PHACTR2: variants seen among roughly 807,000 people sequenced by gnomAD.
PHACTR2 encodes chromosome 6 open reading frame 56.
Under a neutral mutation model 76.0 loss-of-function variants are expected in PHACTR2, and 30 were observed. That is an observed-to-expected ratio of 0.39 (90% CI 0.30 to 0.54). The LOEUF is 0.54. PHACTR2 is among the 20% of genes least tolerant of loss of function. The probability of loss-of-function intolerance (pLI) is 0.61; values close to 1 mark genes in which losing one functional copy is unlikely to be tolerated. For synonymous variants in PHACTR2, 292 were observed against 292.5 expected (o/e 1.00, Z 0.02); for missense variants, 696 against 781.1 (o/e 0.89, Z 1.30).
In PHACTR2 at chr6:143,784,463, G is replaced by T. The variant is rs1775505385; in HGVS notation, c.1707+1183G>T. Among the ~76,000 whole-genome samples the T allele has an allele frequency of 6.6e-6, 1 of 152,192 alleles. No homozygotes were observed. Among genetic ancestry groups the T allele is most frequent in the African/African-American group, 2.4e-5 (1 of 41,454 alleles). On this transcript the variant is annotated intron_variant, in intron 10 of 12. Transcript: ENST00000440869. The surrounding 1 kb of genome is among the most constrained non-coding windows in gnomAD (Gnocchi z 4.5). ...TAAAAATGGATAAAGTGACTAAAAT[G>T]TGACATCTACATGAAGTGTGACCTG...
At chr6:143,707,212 G>A (rs1171537153) in intron 1 of PHACTR2, among the ~76,000 whole-genome samples, 1 of 152,118 alleles carries the variant, frequency 6.6e-6, no homozygotes, top group Non-Finnish European at 1.5e-5. Flanking sequence ...ATATTTTAAG[G>A]AAATAGAGTT....
At chr6:143,552,905 A>C (rs902414673) in intron 1 of PHACTR2, among the ~76,000 whole-genome samples, 17 of 151,716 alleles carry the variant, frequency 1.1e-4, no homozygotes, top group Admixed American at 7.2e-4. Context: ...AAAAAAAAAA[A>C]AAAGCAAAAA....
intron 2 of PHACTR2, among the ~76,000 whole-genome samples, chr6:143,726,780 A>G (rs1025599869): frequency 2.0e-5 from 3 of 152,160 alleles, no homozygotes; most frequent in African/African-American, 7.2e-5. Flanking sequence ...TCATGGTTTT[A>G]ATTTCCCTAA....
At position 143,731,177 on chromosome 6, in the gene PHACTR2, G is replaced by C. The variant is rs910106180; in HGVS notation, c.215-17808G>C. On this transcript the variant is annotated intron_variant, in intron 2 of 12. Coordinates refer to ENST00000440869, the MANE Select transcript of PHACTR2 (RefSeq NM_001100164.2). This position sits in a 1 kb window ranked among gnomAD's most constrained non-coding sequence, Gnocchi z 4.9. ...CGCATTTTTCTGGATCAATTGATAT[G>C]GTCATTTCAGTTTTTTTCTTTAGAC... 6.6e-6 allele frequency among the ~76,000 whole-genome samples: 1 copy of C among 152,136 alleles called. No homozygotes were observed. Among genetic ancestry groups the C allele is most frequent in the Non-Finnish European group, 1.5e-5 (1 of 68,020 alleles).
intron 1 of PHACTR2, among the ~76,000 whole-genome samples, chr6:143,704,095 C>CTGTGTGTGTGTGTGTCTCTGTG (rs71024872): frequency 6.9e-6 from 1 of 144,128 alleles, no homozygotes; most frequent in Non-Finnish European, 1.5e-5. Context: ...GTGTGTGTGT[C>CTGTGTGTGTGTGTGTCTCTGTG]TGTGTGTGTG....
chr6:143,712,279 AAATT>A, intron 2 of PHACTR2, 96 bp downstream of exon 2: 1 of 732,350 alleles, frequency 1.4e-6, no homozygotes, highest in Middle Eastern at 3.4e-4. Context: ...TCCCAGAAAA[AAATT>A]AATCCGTATT....
At chr6:143,716,951 A>C (rs549394181) in intron 2 of PHACTR2, among the ~76,000 whole-genome samples, 1 of 152,146 alleles carries the variant, frequency 6.6e-6, no homozygotes, top group Admixed American at 6.5e-5. Context: ...ATCCTCTTGG[A>C]TAACCACCAT....
At position 143,554,357 on chromosome 6, in the gene PHACTR2, G is replaced by A. The variant is rs1050487277; in HGVS notation, c.217+17150G>A. On this transcript the variant is annotated intron_variant, in intron 1 of 11. Transcript: ENST00000367584. The surrounding 1 kb of genome is among the most constrained non-coding windows in gnomAD (Gnocchi z 5.9). The stretch of plus-strand genomic sequence containing the variant: ...AGCACGGTAAGGCAGGTTTTATTTA[G>A]GACCATTGCAATAGGTATAGGGACC... The A allele has an allele frequency of 2.6e-5, 4 of 152,102 alleles. No homozygotes were observed. The highest frequency in any genetic ancestry group is 9.7e-5 in the African/African-American group (4 of 41,420). The allele number at this position is 152,102 out of a possible 1,614,324, so 9.4% of individuals were successfully genotyped here.
rs1489923161 is a variant in PHACTR2 at position 143,553,646 on chromosome 6, A to G, written c.217+16439A>G. Among the ~76,000 whole-genome samples the G allele has an allele frequency of 6.6e-6, 1 of 152,202 alleles. No homozygotes were observed. ...CAGGCCTTGAGCTGTTAGAAACTGT[A>G]TTCATGTTTTATTCGAGTCTCTATA... On this transcript the variant is annotated intron_variant, in intron 1 of 11. Transcript: ENST00000367584. This position sits in a 1 kb window ranked among gnomAD's most constrained non-coding sequence, Gnocchi z 4.2.
In PHACTR2 at chr6:143,749,039, G is replaced by A. The variant is rs1203412996; in HGVS notation, c.269G>A (p.Gly90Glu). 2 of 1,583,410 alleles carry A rather than the reference G, an allele frequency of 1.3e-6. No individual in the cohort carries two copies. The highest frequency in any genetic ancestry group is 1.1e-5 in the South Asian group (1 of 90,398). ...AGTAGAGAGGAGCTGATAAGAAGGG[G>A]AGTGCTTAAGGAATTGCCTGATCAA... Reference protein sequence around the residue: ...RQSREELIRRGVLKELPDQDG... With the variant: ...RQSREELIRREVLKELPDQDG... The change falls in exon 3 of 13, where the codon GGA becomes GAA. Residue 90 changes from glycine to glutamate, a missense_variant. This residue lies in a region of PHACTR2 where 460 missense variants were observed against 450.9 expected (regional missense o/e 1.02). Transcript: ENST00000440869.
rs574225037 is a variant in PHACTR2 at position 143,801,546 on chromosome 6, A to G, written c.1846-5511A>G. On this transcript the variant is annotated intron_variant, in intron 11 of 12. Coordinates refer to ENST00000440869, the MANE Select transcript of PHACTR2 (RefSeq NM_001100164.2). This position sits in a 1 kb window ranked among gnomAD's most constrained non-coding sequence, Gnocchi z 4.6. ...TTCTCGTACTGTAGTTTTCAGCTCC[A>G]TCAGGTTATTTAAGCTCTTCTCTAC... 3.3e-5 allele frequency among the ~76,000 whole-genome samples: 5 copies of G among 152,256 alleles called. No individual in the cohort carries two copies. In the East Asian group the frequency reaches 7.7e-4, roughly 23 times the overall value.
intron 1 of PHACTR2, among the ~76,000 whole-genome samples, chr6:143,632,855 T>C (rs922201359): frequency 1.3e-5 from 2 of 152,230 alleles, no homozygotes; most frequent in African/African-American, 2.4e-5. Context: ...TGGAATCATA[T>C]GGTATATAAC....
chr6:143,687,748 T>C (rs952787320), intron 1 of PHACTR2, among the ~76,000 whole-genome samples: 1 of 152,158 alleles, frequency 6.6e-6, no homozygotes, highest in African/African-American at 2.4e-5. Flanking sequence ...ACTAAGGAAA[T>C]TTGGCTGCCA....
rs1283724451 is a variant in PHACTR2 at position 143,610,985 on chromosome 6, A to G, written c.13+2663A>G. 6.6e-6 allele frequency among the ~76,000 whole-genome samples: 1 copy of G among 152,138 alleles called. No individual in the cohort carries two copies. Among genetic ancestry groups the G allele is most frequent in the African/African-American group, 2.4e-5 (1 of 41,422 alleles). ...GCTTTAGAATGGCACACCTGTGACT[A>G]CAAGCATCATCAGCATTCTGCCAGT... On this transcript the variant is annotated intron_variant, in intron 1 of 11. Transcript: ENST00000305766. The surrounding 1 kb of genome is among the most constrained non-coding windows in gnomAD (Gnocchi z 4.9).
At chr6:143,677,922 G>A, upstream of PHACTR2, 1 of 293,810 alleles carries the variant, frequency 3.4e-6, no homozygotes, top group Non-Finnish European at 4.3e-6. Flanking sequence ...TTCTTCCCCC[G>A]TGACCCCTGA....
At chr6:143,685,863 G>A (rs1410717964) in intron 1 of PHACTR2, among the ~76,000 whole-genome samples, 3 of 152,234 alleles carry the variant, frequency 2.0e-5, no homozygotes, top group South Asian at 2.1e-4. Flanking sequence ...CGGGCGTGGT[G>A]GCTCACACCT....
rs1015027265 is a variant in PHACTR2 at position 143,589,507 on chromosome 6, A to G, written c.217+52300A>G. On this transcript the variant is annotated intron_variant, in intron 1 of 11. Coordinates refer to the PHACTR2 transcript ENST00000367584. This position sits in a 1 kb window ranked among gnomAD's most constrained non-coding sequence, Gnocchi z 4.4. Reference sequence around the variant, plus strand: ...TGAGCCAAGGAAACCTTTTTTCTTTATTAATTACTCAGTCTCAGGTAGTTC... The same window carrying G: ...TGAGCCAAGGAAACCTTTTTTCTTTGTTAATTACTCAGTCTCAGGTAGTTC... Among the ~76,000 whole-genome samples, 1 of 151,904 alleles carries G rather than the reference A, an allele frequency of 6.6e-6. No individual in the cohort carries two copies. Among genetic ancestry groups the G allele is most frequent in the African/African-American group, 2.4e-5 (1 of 41,308 alleles).
rs781721020 is a variant in PHACTR2 at position 143,760,507 on chromosome 6, G to T, written c.561G>T (p.Pro187=). 4.3e-6 allele frequency: 7 copies of T among 1,613,798 alleles called. No homozygotes were observed. The highest frequency in any genetic ancestry group is 1.3e-5 in the African/African-American group (1 of 74,896). The change falls in exon 5 of 13, where the codon CCG becomes CCT. Residue 187 remains proline, a synonymous_variant. Coordinates refer to ENST00000440869, the MANE Select transcript of PHACTR2 (RefSeq NM_001100164.2). The surrounding 1 kb of genome is among the most constrained non-coding windows in gnomAD (Gnocchi z 6.4). Reference sequence around the variant, plus strand: ...AACCCAAAAAATCACCTGTGCCTCCGAAAGGGGCCACTGCTGGGGCCAGCC... The same window carrying T: ...AACCCAAAAAATCACCTGTGCCTCCTAAAGGGGCCACTGCTGGGGCCAGCC... ...KPKPKKSPVP[P]KGATAGASHK...
chr6:143,734,093 A>G (rs994815001), intron 2 of PHACTR2, among the ~76,000 whole-genome samples: 2 of 152,100 alleles, frequency 1.3e-5, no homozygotes, highest in Non-Finnish European at 2.9e-5. Flanking sequence ...CTTTTTATTT[A>G]TGGAGCATTT....
Sources: allele counts gnomAD v4.1 joint callset (sites outside exome capture counted in the v4.1 genomes callset), GRCh38; gene constraint gnomAD v4.1.1; regional missense constraint gnomAD v4.1.1; non-coding constraint Gnocchi (gnomAD v3.1); transcripts MANE v1.5; gene names NCBI Gene and HGNC (gene_info 2026-07-23, HGNC 2026-07-21).